Variants in ZEB2 observed in about 807,000 individuals in gnomAD.
ZEB2 encodes zinc finger E-box-binding homeobox 2.
Under a neutral mutation model 99.9 loss-of-function variants are expected in ZEB2, and 6 were observed. The ratio of observed to expected loss-of-function variants is 0.06; its 90% CI spans 0.03 to 0.12. The LOEUF is 0.12. Ranked by LOEUF, ZEB2 falls within the 10% of genes least tolerant of loss-of-function variation. ZEB2 has a pLI of 1.00. For synonymous variants in ZEB2, 517 were observed against 542.5 expected, an observed-to-expected ratio of 0.95 and a Z score of 0.65; for missense variants, 969 against 1,502.8, an observed-to-expected ratio of 0.64 and a Z score of 5.87.
rs147128168 is a variant in ZEB2 at position 144,485,805 on chromosome 2, T to C, written c.73+31473A>G. ...GGCTAATTTTTGTATTTTTAGTAGA[T>C]ACGGGGTTTCACCATGTTGGCCAGA... On this transcript the variant is annotated intron_variant, in intron 2 of 9. Transcript: ENST00000627532. 1.5e-4 allele frequency among the ~76,000 whole-genome samples: 23 copies of C among 152,010 alleles called. No homozygotes were observed. In the East Asian group the frequency reaches 4.3e-3, roughly 28 times the overall value.
chr2:144,425,773 C>T (rs187511318), intron 3 of ZEB2, among the ~76,000 whole-genome samples: 37 of 152,114 alleles, frequency 2.4e-4, no homozygotes, highest in African/African-American at 7.7e-4. Context: ...GTAAATTAAA[C>T]GTGAAGTTTA....
At chr2:144,480,066 C>T (rs967618321) in intron 2 of ZEB2, among the ~76,000 whole-genome samples, 2 of 152,176 alleles carry the variant, frequency 1.3e-5, no homozygotes, top group African/African-American at 4.8e-5. Context: ...GAATAAAATA[C>T]ACTCTGAATG....
intron 2 of ZEB2, among the ~76,000 whole-genome samples, chr2:144,434,577 G>A (rs1188168888): frequency 6.6e-6 from 1 of 152,150 alleles, no homozygotes; most frequent in East Asian, 1.9e-4. Flanking sequence ...AGTGCAGAAT[G>A]CAATCTAAGT....
At position 144,401,327 on chromosome 2, in the gene ZEB2, G is replaced by A; in HGVS notation, c.808-20C>T. 2 of 1,611,772 alleles carry A rather than the reference G, an allele frequency of 1.2e-6. No homozygotes were observed. Among genetic ancestry groups the A allele is most frequent in the Admixed American group, 3.3e-5 (2 of 60,012 alleles). The stretch of plus-strand genomic sequence containing the variant: ...TTGGTGCTATAAAAGGAGAAAGACT[G>A]ACATCAGTTTTGTGCAGGAGGAACA... On this transcript the variant is annotated intron_variant, in intron 6 of 9. Transcript: ENST00000627532.
intron 2 of ZEB2, among the ~76,000 whole-genome samples, chr2:144,442,701 T>A (rs1414912450): frequency 6.6e-6 from 1 of 152,194 alleles, no homozygotes; most frequent in East Asian, 1.9e-4. Context: ...CTTGATTTTT[T>A]TTGGTGAATA....
chr2:144,421,320 G>A (rs139666789), intron 4 of ZEB2, among the ~76,000 whole-genome samples: 1 of 152,316 alleles, frequency 6.6e-6, no homozygotes, highest in African/African-American at 2.4e-5. Context: ...AGCTTGATGA[G>A]CAAGACTTGG....
intron 4 of ZEB2, among the ~76,000 whole-genome samples, chr2:144,412,517 G>T (rs1050474505): frequency 6.6e-6 from 1 of 152,178 alleles, no homozygotes; most frequent in Admixed American, 6.5e-5. Context: ...AGTGGCATCC[G>T]TATCATCTGG....
At chr2:144,512,048 A>T (rs1705048914) in intron 2 of ZEB2, 1 of 1,287,116 alleles carries the variant, frequency 7.8e-7, no homozygotes, top group African/African-American at 1.5e-5. Context: ...TGACTTGGCC[A>T]TTCAGACAAT....
intron 2 of ZEB2, chr2:144,514,322 G>A (rs891905500): frequency 6.6e-6 from 1 of 152,344 alleles, no homozygotes; most frequent in African/African-American, 2.4e-5. Context: ...TATATACACT[G>A]TTGACTTCAT....
At chr2:144,473,235 T>C (rs1704383226) in intron 2 of ZEB2, among the ~76,000 whole-genome samples, 1 of 152,068 alleles carries the variant, frequency 6.6e-6, no homozygotes, top group Non-Finnish European at 1.5e-5. Flanking sequence ...AAAATAACCA[T>C]GGGGTTCCTG....
At chr2:144,433,689 T>G (rs917933118) in intron 2 of ZEB2, among the ~76,000 whole-genome samples, 2 of 152,208 alleles carry the variant, frequency 1.3e-5, no homozygotes, top group African/African-American at 4.8e-5. Context: ...CAGATTACAT[T>G]ATATTAAATC....
chr2:144,514,917 C>G (rs532781864), intron 2 of ZEB2, among the ~76,000 whole-genome samples: 2 of 152,212 alleles, frequency 1.3e-5, no homozygotes, highest in African/African-American at 4.8e-5. Context: ...CTTGCAGTGT[C>G]CATGACTGCG....
intron 2 of ZEB2, among the ~76,000 whole-genome samples, chr2:144,449,956 A>T (rs965052284): frequency 1.3e-5 from 2 of 152,236 alleles, no homozygotes; most frequent in African/African-American, 2.4e-5. Flanking sequence ...GGTGTTTCAG[A>T]CATACAGCCT....
Position 144,474,207 on chromosome 2 carries a change from T to C in ZEB2, c.73+43071A>G, listed in dbSNP as rs1172692951. 2.0e-5 allele frequency among the ~76,000 whole-genome samples: 3 copies of C among 152,138 alleles called. No individual in the cohort carries two copies. The East Asian group carries it at 5.8e-4, about 29-fold the overall frequency. ...GACCAGATGGATGGCCTCACATAGGTGTGACAAAAATAGTAACACATTGCA... is the reference window on the plus strand; with the variant it reads ...GACCAGATGGATGGCCTCACATAGGCGTGACAAAAATAGTAACACATTGCA... On this transcript the variant is annotated intron_variant, in intron 2 of 9. Coordinates refer to ENST00000627532, the MANE Select transcript of ZEB2 (RefSeq NM_014795.4).
rs535854629 is a variant in ZEB2, at chr2:144,493,258, T to C, written c.73+24020A>G. Reference sequence around the variant, plus strand: ...AAACTGAAGTGCCTCCATCGTAGGGTTCCTGGCATCCTGATTAGTCACACC... The same window carrying C: ...AAACTGAAGTGCCTCCATCGTAGGGCTCCTGGCATCCTGATTAGTCACACC... On this transcript the variant is annotated intron_variant, in intron 2 of 9. Transcript: ENST00000627532. 2.0e-5 allele frequency among the ~76,000 whole-genome samples: 3 copies of C among 152,280 alleles called. No individual in the cohort carries two copies. The East Asian group carries it at 5.8e-4, about 29-fold the overall frequency.
chr2:144,513,425 ACT>A, intron 2 of ZEB2: 1 of 1,406,462 alleles, frequency 7.1e-7, no homozygotes, highest in East Asian at 3.4e-5. Context: ...TTTAGTGGAA[ACT>A]CTGGAGAAAA....
chr2:144,468,735 G>A (rs1320361736), intron 2 of ZEB2, among the ~76,000 whole-genome samples: 1 of 152,000 alleles, frequency 6.6e-6, no homozygotes. Context: ...GGCATGCAGG[G>A]GTCAGAAATG....
At chr2:144,476,177 T>G (rs1199894681) in intron 2 of ZEB2, among the ~76,000 whole-genome samples, 1 of 152,164 alleles carries the variant, frequency 6.6e-6, no homozygotes, top group Non-Finnish European at 1.5e-5. Context: ...AAATTTAACC[T>G]GCCTAATTTT....
At chr2:144,511,987 C>A in intron 2 of ZEB2, 1 of 1,287,162 alleles carries the variant, frequency 7.8e-7, no homozygotes, top group Non-Finnish European at 1.0e-6. Flanking sequence ...GATTTTCCTC[C>A]TTTATCTCTT....
Sources: allele counts gnomAD v4.1 joint callset (sites outside exome capture counted in the v4.1 genomes callset), GRCh38; gene constraint gnomAD v4.1.1; transcripts MANE v1.5; gene names NCBI Gene and HGNC (gene_info 2026-07-23, HGNC 2026-07-21).